HERC2: variants seen among roughly 807,000 people sequenced by gnomAD.
The protein encoded by HERC2 is E3 ubiquitin-protein ligase HERC2.
A neutral mutation model predicts 537.7 loss-of-function variants in HERC2; 102 were observed. The observed-to-expected ratio is 0.19, with a 90% confidence interval of 0.16 to 0.22. The LOEUF (loss-of-function observed/expected upper bound fraction) is 0.22. HERC2 is among the 10% of genes least tolerant of loss of function. The pLI is 1.00. For missense variants in HERC2, 4,236 were observed against 6,198.2 expected (o/e 0.68, Z 10.63); for synonymous variants, 2,224 against 2,466.2 (o/e 0.90, Z 2.91).
intron 43 of HERC2, 70 bp downstream of exon 43, chr15:28,212,375 A>T (rs1181666727): frequency 8.6e-7 from 1 of 1,164,296 alleles, no homozygotes; most frequent in African/African-American, 1.5e-5. Context: ...ATTCACTCAT[A>T]AAAGAACACT....
intron 2 of HERC2, among the ~76,000 whole-genome samples, chr15:28,311,170 T>C (rs2076935010): frequency 1.4e-5 from 2 of 147,072 alleles, no homozygotes; most frequent in South Asian, 4.3e-4. Flanking sequence ...GTACAGTCTT[T>C]AAGATTATTT....
chr15:28,173,768 A>G (rs2140131380), intron 65 of HERC2, among the ~76,000 whole-genome samples: 1 of 146,154 alleles, frequency 6.8e-6, no homozygotes, highest in South Asian at 2.2e-4. Flanking sequence ...GTGCCACTGC[A>G]CTCCAGAGTG....
chr15:28,171,383 G>T (rs752784774), intron 65 of HERC2, among the ~76,000 whole-genome samples: 4 of 152,184 alleles, frequency 2.6e-5, no homozygotes, highest in Non-Finnish European at 4.4e-5. Flanking sequence ...AGAGCTATAC[G>T]TTAAGAAGAT....
intron 83 of HERC2, among the ~76,000 whole-genome samples, chr15:28,128,257 G>A (rs1349915404): frequency 2.0e-5 from 3 of 152,212 alleles, no homozygotes; most frequent in African/African-American, 7.2e-5. Context: ...GCAATGTGCT[G>A]CAAATGGGCA....
At position 28,290,881 on chromosome 15, in the gene HERC2, T is replaced by C. The variant is rs141810701; in HGVS notation, c.322+2007A>G. Among the ~76,000 whole-genome samples, 466 of 152,208 alleles carry C rather than the reference T, an allele frequency of 3.1e-3. 2 individuals are homozygous for C. Among genetic ancestry groups the C allele is most frequent in the African/African-American group, 0.011 (440 of 41,532 alleles). ...GAAAAGACAAAAAATCTAAAGTCAA[T>C]GATCTAAGCCTTTGCCTTAAGAAAC... is the stretch of plus-strand genomic sequence containing the variant. On this transcript the variant is annotated intron_variant, in intron 4 of 92. Transcript: ENST00000261609.
chr15:28,115,309 G>A (rs1888103639), intron 89 of HERC2, 120 bp downstream of exon 89: 1 of 516,572 alleles, frequency 1.9e-6, no homozygotes, highest in South Asian at 2.8e-5. Flanking sequence ...ACAGCCAACA[G>A]CCTCTGCGTC....
At chr15:28,178,300 G>A (rs1339018201) in intron 59 of HERC2, among the ~76,000 whole-genome samples, 3 of 152,236 alleles carry the variant, frequency 2.0e-5, no homozygotes, top group Admixed American at 1.3e-4. Flanking sequence ...CTCTGGGGGC[G>A]AGAGCTAGTC....
chr15:28,272,241 C>T lies in HERC2; in HGVS notation c.1057G>A (p.Ala353Thr), dbSNP rs145436238. ...RFQSIICRKD[A>T]PHSEGDMHLL... ...TGCATGTCGCCCTCGGAGTGGGGTG[C>T]ATCCTTCCTGCAAATGATGCTCTGG... The change falls in exon 9 of 93, where the codon GCA becomes ACA. Residue 353 changes from alanine (A) to threonine (T), a missense_variant. Around this residue, in one of 27 missense-constraint regions of HERC2, gnomAD observed 491 missense variants for 559.3 expected, o/e 0.88. Coordinates refer to ENST00000261609, the MANE Select transcript of HERC2 (RefSeq NM_004667.6). 5 of 1,609,672 alleles carry T rather than the reference C, an allele frequency of 3.1e-6. No individual in the cohort carries two copies. The highest frequency in any genetic ancestry group is 4.2e-6 in the Non-Finnish European group (5 of 1,178,512).
rs1451023441 is a variant in HERC2, at chr15:28,210,907, C to T, written c.7069+95G>A. The T allele has an allele frequency of 3.8e-6, 4 of 1,063,758 alleles. No homozygotes were observed. In the South Asian group the frequency reaches 3.9e-5, roughly 10 times the overall value. The allele number at this position is 1,063,758 out of a possible 1,614,324, so 65.9% of individuals were successfully genotyped here. On this transcript the variant is annotated intron_variant, in intron 44 of 92. Coordinates refer to ENST00000261609, the MANE Select transcript of HERC2 (RefSeq NM_004667.6). ...ATGTCTGTCTTGTACATTTATAAGC[C>T]ACCTATGTCCATTTTTATGAACTGA...
At chr15:28,191,311 A>G in intron 53 of HERC2, 67 bp from the exon 54 acceptor site, 1 of 965,602 alleles carries the variant, frequency 1.0e-6, no homozygotes, top group South Asian at 1.4e-5. Flanking sequence ...CTACTACAAT[A>G]GTATCGTTGA....
chr15:28,144,013 T>C, intron 73 of HERC2, 22 bp from the exon 74 acceptor site: 1 of 1,614,158 alleles, frequency 6.2e-7, no homozygotes, highest in Non-Finnish European at 8.5e-7. Context: ...AGAGAGAAAG[T>C]ATCAGAAGTC....
intron 65 of HERC2, among the ~76,000 whole-genome samples, chr15:28,173,628 C>G (rs561498326): frequency 1.3e-3 from 199 of 151,992 alleles, no homozygotes; most frequent in Non-Finnish European, 2.4e-3. Context: ...GCAAAACCCT[C>G]TCTCCACCAA....
In HERC2 at chr15:28,143,957, C is replaced by G. The variant is rs780585110; in HGVS notation, c.11334G>C (p.Leu3778=). ...ASHRMWALQR[L]RKLLTTEFGQ... ...CAAATTCAGTTGTAAGCAGCTTCCT[C>G]AGTCTCTGAAGGGCCCACATTCTGT... Residue 3778 remains leucine, a synonymous_variant, in exon 74 of 93, where the codon CTG becomes CTC. Coordinates refer to ENST00000261609, the MANE Select transcript of HERC2 (RefSeq NM_004667.6). 10 of 1,614,044 alleles carry G rather than the reference C, an allele frequency of 6.2e-6. No homozygotes were observed. In the East Asian group the frequency reaches 1.8e-4, roughly 29 times the overall value.
At chr15:28,174,229 AT>A (rs77093318) in intron 65 of HERC2, among the ~76,000 whole-genome samples, 165 bp downstream of exon 65, 17,485 of 120,466 alleles carry the variant, frequency 0.15, 902 homozygotes, top group East Asian at 0.42. Flanking sequence ...TCATTCCAGC[AT>A]GTATAAATCG....
chr15:28,196,037 T>C (rs1897317077), intron 52 of HERC2, among the ~76,000 whole-genome samples, 178 bp downstream of exon 52: 1 of 152,218 alleles, frequency 6.6e-6, no homozygotes, highest in African/African-American at 2.4e-5. Flanking sequence ...TCCTGATTTT[T>C]TTAAAAAGCC....
chr15:28,190,982 G>A lies in HERC2; in HGVS notation c.8632C>T (p.Leu2878=). 1 of 1,608,846 alleles carries A rather than the reference G, an allele frequency of 6.2e-7. No homozygotes were observed. The highest frequency in any genetic ancestry group is 8.5e-7 in the Non-Finnish European group (1 of 1,175,202). ...CTACTTACCTCTGTGCAGTCATTCA[G>A]AAGGGGCACTGTGGTGTCAGAAGGG... ...INPSDTTVPL[L]NDCTEYHRYI... The change falls in exon 55 of 93, where the codon CTG becomes TTG. Residue 2878 remains leucine (L), a synonymous_variant. Coordinates refer to ENST00000261609, the MANE Select transcript of HERC2 (RefSeq NM_004667.6).
rs754480011 is a variant in HERC2, at chr15:28,113,260, C to T, written c.14043G>A (p.Pro4681=). The T allele has an allele frequency of 5.0e-6, 8 of 1,614,080 alleles. No homozygotes were observed. The highest frequency in any genetic ancestry group is 3.3e-5 in the Admixed American group (2 of 60,028). ...TGGCCACCGACTTGAGAAGGTGCAGCGGGATGTCAGGGCTGCCACACACCT... is the reference window on the plus strand; with the variant it reads ...TGGCCACCGACTTGAGAAGGTGCAGTGGGATGTCAGGGCTGCCACACACCT... The part of the protein sequence containing the change: ...ETMVCGSPDI[P]LHLLKSVATY... The change falls in exon 92 of 93, where the codon CCG becomes CCA. Residue 4681 remains proline, a synonymous_variant. Transcript: ENST00000261609. This position sits in a 1 kb window ranked among gnomAD's most constrained non-coding sequence, Gnocchi z 7.0.
intron 70 of HERC2, among the ~76,000 whole-genome samples, chr15:28,151,752 T>C (rs1232854794): frequency 6.6e-6 from 1 of 150,752 alleles, no homozygotes; most frequent in Non-Finnish European, 1.5e-5. Flanking sequence ...TTCCAAGCCA[T>C]GAGTTCATAA....
At chr15:28,123,663 C>A (rs768605006) in intron 85 of HERC2, among the ~76,000 whole-genome samples, 1 of 152,206 alleles carries the variant, frequency 6.6e-6, no homozygotes, top group African/African-American at 2.4e-5. Flanking sequence ...GCCCAATCGC[C>A]GGCCTTCCTG....
Sources: allele counts gnomAD v4.1 joint callset (sites outside exome capture counted in the v4.1 genomes callset), GRCh38; gene constraint gnomAD v4.1.1; regional missense constraint gnomAD v4.1.1; non-coding constraint Gnocchi (gnomAD v3.1); transcripts MANE v1.5; gene names NCBI Gene and HGNC (gene_info 2026-07-23, HGNC 2026-07-21).